The following RCOR1 variants were observed in gnomAD, a reference collection of about 807,000 sequenced individuals.
RCOR1 encodes the protein REST corepressor.
In RCOR1, 12 loss-of-function variants were observed where a neutral mutation model predicts 64.0. The ratio of observed to expected loss-of-function variants is 0.19; its 90% CI spans 0.12 to 0.30. The LOEUF is 0.30. RCOR1 is among the 10% of genes least tolerant of loss of function. RCOR1 has a pLI of 1.00. For synonymous variants in RCOR1, 279 were observed against 227.2 expected, an observed-to-expected ratio of 1.23 and a Z score of -2.05; for missense variants, 502 against 621.2, an observed-to-expected ratio of 0.81 and a Z score of 2.04.
At chr14:102,691,394 C>T (rs1175998594) in intron 3 of RCOR1, among the ~76,000 whole-genome samples, 3 of 152,160 alleles carry the variant, frequency 2.0e-5, no homozygotes, top group Non-Finnish European at 1.5e-5. Flanking sequence ...CAGACCTCAG[C>T]ATCACGCAGT....
chr14:102,682,556 G>A (rs1472584063), intron 3 of RCOR1, among the ~76,000 whole-genome samples: 1 of 152,140 alleles, frequency 6.6e-6, no homozygotes, highest in Non-Finnish European at 1.5e-5. Flanking sequence ...TCCTTTAAAT[G>A]TTCAGTCATC....
intron 2 of RCOR1, chr14:102,657,000 C>G (rs760331950): frequency 2.9e-5 from 20 of 696,880 alleles, no homozygotes; most frequent in Non-Finnish European, 3.5e-5. Context: ...GTCGCGAACT[C>G]CTGACCTCAT....
intron 2 of RCOR1, among the ~76,000 whole-genome samples, chr14:102,623,387 A>ATTTATTAT (rs1555462469): frequency 2.1e-4 from 26 of 124,814 alleles, no homozygotes; most frequent in Non-Finnish European, 3.0e-4. Context: ...TTATTTATTT[A>ATTTATTAT]TTATTTATTT....
intron 2 of RCOR1, chr14:102,655,343 A>G: frequency 1.0e-6 from 1 of 985,330 alleles, no homozygotes; most frequent in African/African-American, 1.7e-5. Context: ...ACTTTACTTT[A>G]GAATGGCAGG....
At chr14:102,663,210 C>T (rs913104369) in intron 2 of RCOR1, among the ~76,000 whole-genome samples, 9 of 152,152 alleles carry the variant, frequency 5.9e-5, no homozygotes, top group South Asian at 2.1e-4. Context: ...CCTTGCCGTC[C>T]GCCATGACTG....
At chr14:102,617,579 G>A (rs1180112011) in intron 2 of RCOR1, among the ~76,000 whole-genome samples, 3 of 138,190 alleles carry the variant, frequency 2.2e-5, no homozygotes, top group African/African-American at 8.2e-5. Context: ...CGAAGACACT[G>A]TCTCTTTCTT....
At chr14:102,667,870 G>A (rs1197299267) in intron 2 of RCOR1, among the ~76,000 whole-genome samples, 1 of 152,166 alleles carries the variant, frequency 6.6e-6, no homozygotes. Flanking sequence ...ACAGCTTGTT[G>A]TTGATAGTGG....
rs373986965 is a variant in RCOR1 at position 102,726,552 on chromosome 14, G to A, written c.*46G>A. On this transcript the variant is annotated 3_prime_UTR_variant, in exon 12 of 12. Transcript: ENST00000262241. ...CTTGGTGTGGACTACTGTGTTATCC[G>A]GGATATCAGGTATTATGAGACATCA... The A allele has an allele frequency of 4.9e-5, 73 of 1,497,688 alleles. No individual in the cohort carries two copies. Among genetic ancestry groups the A allele is most frequent in the Non-Finnish European group, 6.6e-5 (72 of 1,091,650 alleles). The allele number at this position is 1,497,688 out of a possible 1,614,324, so 92.8% of individuals were successfully genotyped here. A position where few individuals can be genotyped will look rare whatever the true frequency, so the allele number is the denominator to read the frequency against.
chr14:102,593,104 TGGC>T lies in RCOR1; in HGVS notation c.229_231del (p.Ala77del), dbSNP rs764396767. On this transcript the variant is annotated inframe_deletion, in exon 1 of 12. Coordinates refer to ENST00000262241, the MANE Select transcript of RCOR1 (RefSeq NM_015156.4). ...CCCAATAATGGCCAGAATAAAAGTT[TGGC>T]GGCGGCGGCGCCCAATGGCAACAGC... is the stretch of plus-strand genomic sequence containing the variant. 24 of 1,500,668 alleles carry T rather than the reference TGGC, an allele frequency of 1.6e-5. No homozygotes were observed. Among genetic ancestry groups the T allele is most frequent in the Admixed American group, 2.4e-5 (1 of 42,140 alleles). The allele number at this position is 1,500,668 out of a possible 1,614,324, so 93.0% of individuals were successfully genotyped here.
intron 2 of RCOR1, among the ~76,000 whole-genome samples, chr14:102,633,685 G>A (rs144191108): frequency 3.5e-4 from 54 of 152,208 alleles, no homozygotes; most frequent in African/African-American, 1.3e-3. Flanking sequence ...AATTACAGGC[G>A]TTCGCCAACA....
At chr14:102,617,660 G>C (rs1465341269) in intron 2 of RCOR1, among the ~76,000 whole-genome samples, 1 of 148,812 alleles carries the variant, frequency 6.7e-6, no homozygotes, top group Non-Finnish European at 1.5e-5. Context: ...CACAGACTTG[G>C]CTCACTGCAA....
chr14:102,714,488 A>G lies in RCOR1; in HGVS notation c.924A>G (p.Arg308=), dbSNP rs1643436958. Residue 308 remains arginine, a synonymous_variant, in exon 8 of 12, where the codon AGA becomes AGG. Coordinates refer to ENST00000262241, the MANE Select transcript of RCOR1 (RefSeq NM_015156.4). ...AACATAGCACACAAGCTAAAAATAG[A>G]GCAAAAAGGAAACCTCCAAAAGGAA... is the stretch of plus-strand genomic sequence containing the variant. The part of the protein sequence containing the change: ...KEKHSTQAKN[R]AKRKPPKGMF... 6.2e-7 allele frequency: 1 copy of G among 1,613,884 alleles called. No individual in the cohort carries two copies.
intron 2 of RCOR1, among the ~76,000 whole-genome samples, chr14:102,671,709 G>T (rs548416124): frequency 6.6e-6 from 1 of 152,262 alleles, no homozygotes; most frequent in East Asian, 1.9e-4. Context: ...AACAAAACAC[G>T]CAGTTCACTT....
intron 3 of RCOR1, among the ~76,000 whole-genome samples, chr14:102,700,978 C>A (rs542406095): frequency 6.6e-6 from 1 of 152,168 alleles, no homozygotes; most frequent in Non-Finnish European, 1.5e-5. Flanking sequence ...ACATGGATGG[C>A]GGCAGGCAAA....
chr14:102,637,409 T>C (rs1019542398), intron 2 of RCOR1, among the ~76,000 whole-genome samples: 1 of 151,934 alleles, frequency 6.6e-6, no homozygotes, highest in Non-Finnish European at 1.5e-5. Flanking sequence ...ATTACAGACT[T>C]GAGCCACTGC....
intron 2 of RCOR1, among the ~76,000 whole-genome samples, chr14:102,614,252 T>A (rs1169860485): frequency 7.6e-6 from 1 of 131,986 alleles, no homozygotes; most frequent in Non-Finnish European, 1.6e-5. Context: ...TGAGACGGAG[T>A]CTCGCTTTGT....
At chr14:102,686,868 T>C (rs926593895) in intron 3 of RCOR1, among the ~76,000 whole-genome samples, 6 of 152,250 alleles carry the variant, frequency 3.9e-5, no homozygotes, top group African/African-American at 1.4e-4. Context: ...ACAAACAGAC[T>C]GATGTCTTCT....
At chr14:102,670,515 A>G (rs1324093492) in intron 2 of RCOR1, among the ~76,000 whole-genome samples, 2 of 152,078 alleles carry the variant, frequency 1.3e-5, no homozygotes, top group Non-Finnish European at 2.9e-5. Context: ...TATACACAAT[A>G]TATATACAGT....
chr14:102,642,243 C>CTGTG (rs1555463624), intron 2 of RCOR1, among the ~76,000 whole-genome samples: 1 of 151,662 alleles, frequency 6.6e-6, no homozygotes, highest in Non-Finnish European at 1.5e-5. Flanking sequence ...GAATAAACTT[C>CTGTG]TTTGACGGTA....
Sources: allele counts gnomAD v4.1 joint callset (sites outside exome capture counted in the v4.1 genomes callset), GRCh38; gene constraint gnomAD v4.1.1; transcripts MANE v1.5; gene names NCBI Gene and HGNC (gene_info 2026-07-23, HGNC 2026-07-21).